MRTO4: variants seen among roughly 807,000 people sequenced by gnomAD.
The protein encoded by MRTO4 is MRT4 homolog, ribosome maturation factor.
A neutral mutation model predicts 28.6 loss-of-function variants in MRTO4; 7 were observed. The ratio of observed to expected loss-of-function variants is 0.24; its 90% CI spans 0.14 to 0.46. MRTO4 has a LOEUF of 0.46. MRTO4 is among the 20% of genes least tolerant of loss of function. MRTO4 has a pLI of 0.99. For missense variants in MRTO4, 302 were observed against 298.3 expected (o/e 1.01, Z -0.09); for synonymous variants, 113 against 108.2 (o/e 1.04, Z -0.27).
chr1:19,252,907 T>G (rs1025319878), intron 1 of MRTO4, among the ~76,000 whole-genome samples: 1 of 152,146 alleles, frequency 6.6e-6, no homozygotes, highest in African/African-American at 2.4e-5. Flanking sequence ...CCCTGAGTGC[T>G]GGGATTACAG....
chr1:19,256,799 C>T (rs970339122), intron 3 of MRTO4, among the ~76,000 whole-genome samples: 1 of 152,184 alleles, frequency 6.6e-6, no homozygotes. Flanking sequence ...ACATGCCTCC[C>T]GCATACATCC....
In MRTO4 at chr1:19,254,831, G is replaced by T; in HGVS notation, c.78G>T (p.Leu26=). 7 of 1,609,420 alleles carry T rather than the reference G, an allele frequency of 4.3e-6. No homozygotes were observed. Among genetic ancestry groups the T allele is most frequent in the Non-Finnish European group, 5.9e-6 (7 of 1,178,488 alleles). Reference sequence around the variant, plus strand: ...AAGGCTTGGAATTGAAACAAAACCTGATAGAAGAGGTAAGAGGTTGTTCTT... The same window carrying T: ...AAGGCTTGGAATTGAAACAAAACCTTATAGAAGAGGTAAGAGGTTGTTCTT... ...AKKGLELKQN[L]IEELRKCVDT... The change falls in exon 2 of 8, where the codon CTG becomes CTT. Residue 26 remains leucine, a synonymous_variant. Coordinates refer to ENST00000330263, the MANE Select transcript of MRTO4 (RefSeq NM_016183.4).
chr1:19,252,339 G>A (rs912155638), intron 1 of MRTO4: 1 of 180,968 alleles, frequency 5.5e-6, no homozygotes, highest in Non-Finnish European at 1.2e-5. Context: ...TTAGTTGTCA[G>A]TTAATAGGAT....
intron 1 of MRTO4, among the ~76,000 whole-genome samples, chr1:19,252,555 T>C (rs1335803013): frequency 6.6e-6 from 1 of 152,074 alleles, no homozygotes; most frequent in Admixed American, 6.6e-5. Flanking sequence ...AAAAATTAGA[T>C]GGGCATGGTG....
At chr1:19,257,247 CAG>C (rs1202857772) in intron 4 of MRTO4, 102 bp downstream of exon 4, 1 of 1,298,814 alleles carries the variant, frequency 7.7e-7, no homozygotes, top group African/African-American at 1.5e-5. Flanking sequence ...GCCGGAGGCT[CAG>C]GGAGAGCAGG....
At chr1:19,251,920 C>T in intron 1 of MRTO4, 57 bp downstream of exon 1, 2 of 1,560,212 alleles carry the variant, frequency 1.3e-6, no homozygotes, top group Non-Finnish European at 1.7e-6. Flanking sequence ...GCTACCCAGC[C>T]TGCGGTGAGG....
chr1:19,251,828 T>G lies in MRTO4; in HGVS notation c.-8T>G. The G allele has an allele frequency of 6.3e-7, 1 of 1,578,890 alleles. No individual in the cohort carries two copies. Among genetic ancestry groups the G allele is most frequent in the African/African-American group, 1.3e-5 (1 of 74,164 alleles). On this transcript the variant is annotated 5_prime_UTR_variant, in exon 1 of 8. In the 5' UTR this introduces an upstream ATG that the reference lacks. Coordinates refer to ENST00000330263, the MANE Select transcript of MRTO4 (RefSeq NM_016183.4). Reference sequence around the variant, plus strand: ...GCACCGTCTTCCGCCGCACGTGGATTCAGCGCGATGCCCAAATCCAAGCGC... The same window carrying G: ...GCACCGTCTTCCGCCGCACGTGGATGCAGCGCGATGCCCAAATCCAAGCGC...
Position 19,256,069 on chromosome 1 carries a change from G to A in MRTO4, c.191+18G>A, listed in dbSNP as rs1557133. The A allele has an allele frequency of 0.85, 1,374,091 of 1,612,052 alleles. 586,593 individuals carry two copies. Among genetic ancestry groups the A allele is most frequent in the East Asian group, 0.92 (41,264 of 44,866 alleles). On this transcript the variant is annotated intron_variant, in intron 3 of 7. Coordinates refer to ENST00000330263, the MANE Select transcript of MRTO4 (RefSeq NM_016183.4). ...CACAGCCGGTGAGCGGGCAGGGGGA[G>A]GAAGGCCCTTCTGAGTGGGGACCCG...
Position 19,257,116 on chromosome 1 carries a change from T to A in MRTO4, c.244T>A (p.Ser82Thr). ...GATGGTGGCCTTGGGTCGGAGCCCA[T>A]CTGATGAATACAAAGACAACCTGCA... ...VMMVALGRSP[S>T]DEYKDNLHQV... The change falls in exon 4 of 8, where the codon TCT (serine) becomes ACT (threonine). Residue 82 changes from serine to threonine, a missense_variant. Physicochemically the swap from Ser to Thr is moderately conservative, Grantham distance 58. Coordinates refer to ENST00000330263, the MANE Select transcript of MRTO4 (RefSeq NM_016183.4). The A allele has an allele frequency of 6.2e-7, 1 of 1,614,112 alleles. No homozygotes were observed. Among genetic ancestry groups the A allele is most frequent in the South Asian group, 1.1e-5 (1 of 91,082 alleles).
chr1:19,257,555 G>C (rs192642394), intron 5 of MRTO4, 34 bp downstream of exon 5: 2 of 1,610,184 alleles, frequency 1.2e-6, no homozygotes, highest in Non-Finnish European at 1.7e-6. Context: ...GGAAAGAGGC[G>C]GGTGAGAGGG....
intron 3 of MRTO4, among the ~76,000 whole-genome samples, 192 bp downstream of exon 3, chr1:19,256,243 C>T (rs559410149): frequency 3.3e-5 from 5 of 152,062 alleles, no homozygotes; most frequent in Non-Finnish European, 5.9e-5. Flanking sequence ...GGGCAGGGTG[C>T]GGTGGTTCAC....
chr1:19,256,029 CGGAACGCCT>C lies in MRTO4; in HGVS notation c.174_182del (p.Asn58_Trp60del). 6.2e-7 allele frequency: 1 copy of C among 1,614,072 alleles called. No individual in the cohort carries two copies. Among genetic ancestry groups the C allele is most frequent in the Non-Finnish European group, 8.5e-7 (1 of 1,180,020 alleles). On this transcript the variant is annotated inframe_deletion, in exon 3 of 8. Coordinates refer to ENST00000330263, the MANE Select transcript of MRTO4 (RefSeq NM_016183.4). Reference sequence around the variant, plus strand: ...GAGGAACAGCAAGCTGAAGGACATCCGGAACGCCTGGAAGCACAGCCGGTGAGCGGGCAG... The same window carrying C: ...GAGGAACAGCAAGCTGAAGGACATCCGGAAGCACAGCCGGTGAGCGGGCAG...
intron 1 of MRTO4, among the ~76,000 whole-genome samples, chr1:19,254,278 G>T (rs2093668315): frequency 6.6e-6 from 1 of 152,190 alleles, no homozygotes; most frequent in Non-Finnish European, 1.5e-5. Context: ...GCAGGCCATG[G>T]TGGTGTGTGC....
chr1:19,257,010 G>C, intron 3 of MRTO4, 54 bp from the exon 4 acceptor site: 3 of 1,568,614 alleles, frequency 1.9e-6, no homozygotes, highest in Non-Finnish European at 2.6e-6. Context: ...GTTGCTGAGG[G>C]ATGGGGAGGG....
rs747817190 is a variant in MRTO4 at position 19,255,970 on chromosome 1, A to T, written c.110A>T (p.Tyr37Phe). ...IEELRKCVDT[Y>F]KYLFIFSVAN... ...CAGCTTCGGAAATGTGTGGACACCT[A>T]CAAGTACCTTTTCATCTTCTCTGTG... Residue 37 changes from tyrosine to phenylalanine, a missense_variant, in exon 3 of 8, where the codon TAC becomes TTC. Physicochemically the swap from Tyr to Phe is conservative, Grantham distance 22. Coordinates refer to ENST00000330263, the MANE Select transcript of MRTO4 (RefSeq NM_016183.4). 6.2e-7 allele frequency: 1 copy of T among 1,614,004 alleles called. No homozygotes were observed.
chr1:19,254,357 A>G (rs913537576), intron 1 of MRTO4, among the ~76,000 whole-genome samples: 3 of 151,928 alleles, frequency 2.0e-5, no homozygotes, highest in Non-Finnish European at 4.4e-5. Flanking sequence ...AGATCGTGCC[A>G]TTGCAGTCCA....
chr1:19,255,380 G>T (rs2093669912), intron 2 of MRTO4, among the ~76,000 whole-genome samples: 1 of 144,884 alleles, frequency 6.9e-6, no homozygotes, highest in Non-Finnish European at 1.5e-5. Context: ...CGCAGCCTGG[G>T]CAACAGAGTG....
At chr1:19,252,145 C>T (rs1038280118) in intron 1 of MRTO4, 43 of 480,786 alleles carry the variant, frequency 8.9e-5, no homozygotes, top group African/African-American at 2.2e-4. Flanking sequence ...ACACCGCCCC[C>T]GGCTATGCCT....
chr1:19,258,533 C>G lies in MRTO4; in HGVS notation c.550C>G (p.Pro184Ala). 1.2e-6 allele frequency: 2 copies of G among 1,614,118 alleles called. No individual in the cohort carries two copies. The highest frequency in any genetic ancestry group is 2.2e-5 in the South Asian group (2 of 91,088). ...GTGCAAGGAGGGCGATGTGCTGACC[C>G]CAGAGCAGGCTCGCGTCCTGGTGAG... is the stretch of plus-strand genomic sequence containing the variant. Reference protein sequence around the residue: ...EVCKEGDVLTPEQARVLKLFG... With the variant: ...EVCKEGDVLTAEQARVLKLFG... The change falls in exon 7 of 8, where the codon CCA (proline) becomes GCA (alanine). Residue 184 changes from proline (P) to alanine (A), a missense_variant. Coordinates refer to ENST00000330263, the MANE Select transcript of MRTO4 (RefSeq NM_016183.4).
Sources: allele counts gnomAD v4.1 joint callset (sites outside exome capture counted in the v4.1 genomes callset), GRCh38; gene constraint gnomAD v4.1.1; transcripts MANE v1.5; gene names NCBI Gene and HGNC (gene_info 2026-07-23, HGNC 2026-07-21).